Variants in RBFOX3 observed in about 807,000 individuals in gnomAD.
RBFOX3 encodes RNA binding fox-1 homolog 3, also known as RNA binding protein fox-1 homolog 3.
In RBFOX3, 17 loss-of-function variants were observed where a neutral mutation model predicts 48.7. The observed-to-expected ratio is 0.35, with a 90% confidence interval of 0.24 to 0.52. The LOEUF (loss-of-function observed/expected upper bound fraction) is 0.52, where lower values mean the gene tolerates loss of function less well. RBFOX3 is among the 20% of genes least tolerant of loss of function. RBFOX3 has a pLI of 0.94. For synonymous variants in RBFOX3, 212 were observed against 209.5 expected (o/e 1.01, Z -0.10); for missense variants, 382 against 497.5 (o/e 0.77, Z 2.21).
chr17:79,475,505 C>G (rs2077603211), intron 2 of RBFOX3, among the ~76,000 whole-genome samples: 1 of 152,140 alleles, frequency 6.6e-6, no homozygotes, highest in African/African-American at 2.4e-5. Flanking sequence ...TCATGTCCCC[C>G]CAAAACATGT....
At chr17:79,599,797 A>T (rs944308812) in intron 1 of RBFOX3, 60 of 152,270 alleles carry the variant, frequency 3.9e-4, no homozygotes, top group Non-Finnish European at 5.7e-4. Flanking sequence ...ACATGGGCTG[A>T]GTCACAGCAA....
At position 79,324,908 on chromosome 17, in the gene RBFOX3, C is replaced by T. The variant is rs140488625; in HGVS notation, c.-174-17084G>A. 5.3e-5 allele frequency among the ~76,000 whole-genome samples: 8 copies of T among 152,352 alleles called. No homozygotes were observed. In the East Asian group the frequency reaches 1.5e-3, roughly 29 times the overall value. The stretch of plus-strand genomic sequence containing the variant: ...TGCCCACAGTCCAAGGTGGGGTCAC[C>T]ATCCCAAGGACTATCCTCTGCCTGG... On this transcript the variant is annotated intron_variant, in intron 2 of 14. Transcript: ENST00000693108.
intron 2 of RBFOX3, among the ~76,000 whole-genome samples, chr17:79,409,465 C>A (rs1456621583): frequency 6.6e-6 from 1 of 152,214 alleles, no homozygotes; most frequent in Non-Finnish European, 1.5e-5. Context: ...TCCAACAATG[C>A]ACAAGGGTTC....
intron 1 of RBFOX3, among the ~76,000 whole-genome samples, chr17:79,541,778 T>A (rs2089731213): frequency 6.6e-6 from 1 of 152,208 alleles, no homozygotes; most frequent in Non-Finnish European, 1.5e-5. Flanking sequence ...GCCCTTTCCG[T>A]GCTGATCAGT....
chr17:79,622,537 C>A, the RBFOX3 span, among the ~76,000 whole-genome samples: 3 of 152,240 alleles, frequency 2.0e-5, no homozygotes, highest in African/African-American at 7.2e-5. Context: ...TCCCGCAGAT[C>A]TTGAGGCCAG....
intron 4 of RBFOX3, among the ~76,000 whole-genome samples, chr17:79,150,035 T>TGGGGGTGGGGGTGGAGGGTGGGGGGG (rs2044034749): frequency 1.3e-4 from 1 of 7,914 alleles, no homozygotes; most frequent in Non-Finnish European, 2.5e-4. Flanking sequence ...GGGTGGGGGG[T>TGGGGGTGGGGGTGGAGGGTGGGGGGG]GGGGGTGGGG....
chr17:79,547,911 G>A lies in RBFOX3; in HGVS notation c.-320+62915C>T, dbSNP rs577425202. ...ACTCGGACCTCCAGCCCTTCAGTGGGCTGAGCAGCCAGTGGGTTCATCTGA... is the reference window on the plus strand; with the variant it reads ...ACTCGGACCTCCAGCCCTTCAGTGGACTGAGCAGCCAGTGGGTTCATCTGA... On this transcript the variant is annotated intron_variant, in intron 1 of 14. Transcript: ENST00000693108. Among the ~76,000 whole-genome samples, 512 of 152,338 alleles carry A rather than the reference G, an allele frequency of 3.4e-3. 1 individual carries two copies. The highest frequency in any genetic ancestry group is 6.0e-3 in the Non-Finnish European group (409 of 68,030).
At position 79,473,660 on chromosome 17, in the gene RBFOX3, G is replaced by T. The variant is rs887325008; in HGVS notation, c.-175+8794C>A. Reference sequence around the variant, plus strand: ...TGAACCCCCGCTGGTGACGGCAGGTGGCCACACCCTGCAAGCTCCCTGTAA... The same window carrying T: ...TGAACCCCCGCTGGTGACGGCAGGTTGCCACACCCTGCAAGCTCCCTGTAA... On this transcript the variant is annotated intron_variant, in intron 2 of 14. Coordinates refer to ENST00000693108, the MANE Select transcript of RBFOX3 (RefSeq NM_001350451.2). This position sits in a 1 kb window ranked among gnomAD's most constrained non-coding sequence, Gnocchi z 4.2. Among the ~76,000 whole-genome samples the T allele has an allele frequency of 2.1e-4, 32 of 152,308 alleles. 1 individual carries two copies. The East Asian group carries it at 6.2e-3, about 29-fold the overall frequency.
At chr17:79,303,809 TAC>T (rs1159136890) in intron 3 of RBFOX3, among the ~76,000 whole-genome samples, 1 of 151,760 alleles carries the variant, frequency 6.6e-6, no homozygotes, top group Non-Finnish European at 1.5e-5. Context: ...GCGTGTGCGG[TAC>T]ACAGTGTGCA....
chr17:79,138,890 A>G (rs2703513), intron 4 of RBFOX3, among the ~76,000 whole-genome samples: 71,141 of 101,746 alleles, frequency 0.7, 24,382 homozygotes, highest in East Asian at 0.93. Flanking sequence ...GCAGGCATAC[A>G]GCAATGCATT....
rs1489445421 is a variant in RBFOX3, at chr17:79,199,405, A to G, written c.-34+36361T>C. Among the ~76,000 whole-genome samples, 1 of 151,496 alleles carries G rather than the reference A, an allele frequency of 6.6e-6. No homozygotes were observed. The highest frequency in any genetic ancestry group is 1.5e-5 in the Non-Finnish European group (1 of 67,836). On this transcript the variant is annotated intron_variant, in intron 4 of 14. Transcript: ENST00000693108. The surrounding 1 kb of genome is among the most constrained non-coding windows in gnomAD (Gnocchi z 5.1). ...CCCAGGAGCCTCCAACCCTCTGCCC[A>G]CCGCCCTACTGCAGGAGTTGCAGAT...
At chr17:79,262,021 T>G (rs2065871311) in intron 3 of RBFOX3, among the ~76,000 whole-genome samples, 1 of 152,242 alleles carries the variant, frequency 6.6e-6, no homozygotes, top group African/African-American at 2.4e-5. Flanking sequence ...TTGCTTTGAG[T>G]TCCTCTGAGA....
intron 2 of RBFOX3, among the ~76,000 whole-genome samples, chr17:79,405,762 G>A (rs1168868872): frequency 6.6e-6 from 1 of 152,174 alleles, no homozygotes; most frequent in African/African-American, 2.4e-5. Context: ...GCATGAATCT[G>A]CAAATGCACA....
At chr17:79,454,098 C>T (rs1479516159) in intron 2 of RBFOX3, among the ~76,000 whole-genome samples, 3 of 152,088 alleles carry the variant, frequency 2.0e-5, no homozygotes, top group African/African-American at 4.8e-5. Context: ...GAGGCAATGC[C>T]GTCTGGAGCC....
intron 1 of RBFOX3, among the ~76,000 whole-genome samples, chr17:79,591,308 T>G (rs1382435921): frequency 1.3e-5 from 2 of 152,084 alleles, no homozygotes; most frequent in Non-Finnish European, 2.9e-5. Context: ...CTCGGGGGCT[T>G]CCTTCATCTC....
At chr17:79,154,252 C>G (rs1282695554) in intron 4 of RBFOX3, among the ~76,000 whole-genome samples, 22 of 152,164 alleles carry the variant, frequency 1.4e-4, no homozygotes, top group Admixed American at 1.4e-3. Context: ...CAATGCTGTT[C>G]CCTCAGTCTT....
At chr17:79,167,772 G>C (rs1182774582) in intron 4 of RBFOX3, among the ~76,000 whole-genome samples, 1 of 152,214 alleles carries the variant, frequency 6.6e-6, no homozygotes, top group Non-Finnish European at 1.5e-5. Flanking sequence ...CTGGGGTCCA[G>C]GGCACCCCGG....
At chr17:79,458,692 G>T (rs1296458120) in intron 2 of RBFOX3, among the ~76,000 whole-genome samples, 1 of 152,176 alleles carries the variant, frequency 6.6e-6, no homozygotes, top group African/African-American at 2.4e-5. Flanking sequence ...GGCGGGGGCA[G>T]CAGCTGGGCA....
intron 4 of RBFOX3, among the ~76,000 whole-genome samples, chr17:79,179,175 G>A (rs977245474): frequency 3.9e-5 from 6 of 152,190 alleles, no homozygotes; most frequent in Admixed American, 3.3e-4. Context: ...TAGCAGCCTC[G>A]CTACCTTAGA....
Sources: gnomAD v4.1 joint callset for allele counts (sites outside exome capture counted in the v4.1 genomes callset) on GRCh38, gnomAD v4.1.1 for gene constraint, Gnocchi (gnomAD v3.1) non-coding constraint, MANE v1.5 for transcripts, NCBI Gene and HGNC (gene_info 2026-07-23, HGNC 2026-07-21) for gene names.